MGMT: variants seen among roughly 807,000 people sequenced by gnomAD.
MGMT encodes the protein methylated-DNA--protein-cysteine methyltransferase.
A neutral mutation model predicts 15.9 loss-of-function variants in MGMT; 14 were observed. The observed-to-expected ratio is 0.88, with a 90% confidence interval of 0.58 to 1.37. The LOEUF (loss-of-function observed/expected upper bound fraction) is 1.37, where lower values mean the gene tolerates loss of function less well. MGMT is among the 40% of genes most tolerant of loss of function. MGMT has a pLI of 0.00. For synonymous variants in MGMT, 130 were observed against 118.2 expected (o/e 1.10, Z -0.65); for missense variants, 282 against 268.1 (o/e 1.05, Z -0.36).
chr10:129,675,573 G>A (rs1009117672), intron 2 of MGMT, among the ~76,000 whole-genome samples: 1 of 152,182 alleles, frequency 6.6e-6, no homozygotes, highest in African/African-American at 2.4e-5. Context: ...CAGGAAGCCA[G>A]GAGTGGCGGG....
At chr10:129,572,606 A>G (rs1011749135) in intron 2 of MGMT, among the ~76,000 whole-genome samples, 4 of 152,216 alleles carry the variant, frequency 2.6e-5, no homozygotes, top group African/African-American at 9.6e-5. Flanking sequence ...AAAGTTTTTT[A>G]TACTATGGAT....
At chr10:129,645,118 C>CTTTTTTTT (rs10606297) in intron 2 of MGMT, among the ~76,000 whole-genome samples, 273 of 121,900 alleles carry the variant, frequency 2.2e-3, no homozygotes, top group African/African-American at 3.2e-3. Context: ...CCTGAAAGCC[C>CTTTTTTTT]TTTTTTTTTT....
chr10:129,715,909 A>G (rs189367101), intron 3 of MGMT, among the ~76,000 whole-genome samples: 12 of 152,194 alleles, frequency 7.9e-5, no homozygotes, highest in Non-Finnish European at 1.3e-4. Flanking sequence ...CCCTCTTTAT[A>G]TGTTGTTTCA....
chr10:129,612,571 C>A (rs973845423), intron 2 of MGMT, among the ~76,000 whole-genome samples: 3 of 152,194 alleles, frequency 2.0e-5, no homozygotes, highest in African/African-American at 7.2e-5. Flanking sequence ...GGGCTTGGGC[C>A]GTCCAGTGTC....
chr10:129,475,198 A>G (rs1387606862), intron 1 of MGMT, among the ~76,000 whole-genome samples: 7 of 151,934 alleles, frequency 4.6e-5, no homozygotes, highest in African/African-American at 1.4e-4. Flanking sequence ...GGGAGGTCCT[A>G]TGAGGGTCAC....
intron 2 of MGMT, among the ~76,000 whole-genome samples, chr10:129,595,085 G>C (rs996197417): frequency 6.6e-6 from 1 of 152,198 alleles, no homozygotes; most frequent in Non-Finnish European, 1.5e-5. Context: ...CTGTGATCCA[G>C]TGTTAGTTCA....
intron 2 of MGMT, among the ~76,000 whole-genome samples, chr10:129,587,677 C>G (rs1237912881): frequency 6.6e-6 from 1 of 151,456 alleles, no homozygotes; most frequent in Non-Finnish European, 1.5e-5. Context: ...TTATCATGAT[C>G]CACCCGCCTC....
chr10:129,522,708 A>G lies in MGMT; in HGVS notation c.-12-13533A>G, dbSNP rs367788645. On this transcript the variant is annotated intron_variant, in intron 1 of 4. Transcript: ENST00000651593. ...CAAACACTTGGTACTTTGCTAGTAC[A>G]AGGTCCTTCCTTGGTGGGGAGGGGT... Among the ~76,000 whole-genome samples, 385 of 152,320 alleles carry G rather than the reference A, an allele frequency of 2.5e-3. 1 individual carries two copies. Among genetic ancestry groups the G allele is most frequent in the African/African-American group, 8.9e-3 (368 of 41,574 alleles).
chr10:129,476,265 C>T (rs1202587430), intron 1 of MGMT, among the ~76,000 whole-genome samples: 1 of 152,186 alleles, frequency 6.6e-6, no homozygotes, highest in Admixed American at 6.5e-5. Context: ...CCCCCGCTGT[C>T]CTTGTCACAT....
chr10:129,634,512 CCTTT>C (rs1460507830), intron 2 of MGMT, among the ~76,000 whole-genome samples: 2 of 152,106 alleles, frequency 1.3e-5, no homozygotes, highest in Non-Finnish European at 2.9e-5. Flanking sequence ...ATCCTTCCTT[CCTTT>C]CTTCCTTCCT....
chr10:129,650,332 G>C (rs1847442390), intron 2 of MGMT, among the ~76,000 whole-genome samples: 1 of 152,194 alleles, frequency 6.6e-6, no homozygotes, highest in Non-Finnish European at 1.5e-5. Context: ...AGCAATGCCA[G>C]TCCTCTAATT....
chr10:129,590,905 G>A (rs1564861749), intron 2 of MGMT, among the ~76,000 whole-genome samples: 1 of 152,258 alleles, frequency 6.6e-6, no homozygotes, highest in African/African-American at 2.4e-5. Flanking sequence ...TGACGGAAAG[G>A]TGGTCAAATT....
intron 3 of MGMT, among the ~76,000 whole-genome samples, chr10:129,745,436 C>T (rs1227541094): frequency 2.0e-5 from 3 of 152,044 alleles, no homozygotes; most frequent in Non-Finnish European, 2.9e-5. Flanking sequence ...GCAACTGCGA[C>T]GTGTTCTCCA....
chr10:129,681,900 T>C (rs1057075423), intron 2 of MGMT, among the ~76,000 whole-genome samples: 3 of 151,942 alleles, frequency 2.0e-5, no homozygotes, highest in African/African-American at 4.8e-5. Context: ...AATAAGAAAA[T>C]AAACATTCCA....
At chr10:129,638,338 A>C (rs1205998712) in intron 2 of MGMT, among the ~76,000 whole-genome samples, 1 of 150,910 alleles carries the variant, frequency 6.6e-6, no homozygotes, top group Non-Finnish European at 1.5e-5. Context: ...TCCAGGAAGA[A>C]GTAGTTGAAG....
intron 3 of MGMT, among the ~76,000 whole-genome samples, chr10:129,709,526 G>C (rs1274831027): frequency 6.6e-6 from 1 of 152,208 alleles, no homozygotes; most frequent in African/African-American, 2.4e-5. Flanking sequence ...AGGCTGAAGA[G>C]CTGTCCAGAG....
chr10:129,742,828 C>A (rs1164216180), intron 3 of MGMT, among the ~76,000 whole-genome samples: 1 of 151,680 alleles, frequency 6.6e-6, no homozygotes, highest in South Asian at 2.1e-4. Context: ...GTTCTCAGGG[C>A]CGGGGCGTTC....
At chr10:129,646,744 A>ATG (rs1448953343) in intron 2 of MGMT, among the ~76,000 whole-genome samples, 1 of 79,262 alleles carries the variant, frequency 1.3e-5, no homozygotes, top group African/African-American at 4.6e-5. Context: ...ATATATATAT[A>ATG]TATATATATA....
At chr10:129,495,998 G>A (rs1256664929) in intron 1 of MGMT, among the ~76,000 whole-genome samples, 1 of 152,160 alleles carries the variant, frequency 6.6e-6, no homozygotes, top group Non-Finnish European at 1.5e-5. Context: ...CCTGCGGCTG[G>A]GGACTGGCAC....
Sources: allele counts gnomAD v4.1 joint callset (sites outside exome capture counted in the v4.1 genomes callset), GRCh38; gene constraint gnomAD v4.1.1; transcripts MANE v1.5; gene names NCBI Gene and HGNC (gene_info 2026-07-23, HGNC 2026-07-21).